The following ARHGEF10L variants were observed in gnomAD, a reference collection of about 807,000 sequenced individuals.
ARHGEF10L encodes the protein rho guanine nucleotide exchange factor 10-like protein.
Under a neutral mutation model 141.2 loss-of-function variants are expected in ARHGEF10L, and 69 were observed. That is an observed-to-expected ratio of 0.49 (90% CI 0.40 to 0.60). The LOEUF (loss-of-function observed/expected upper bound fraction) is 0.60. Among genes scored for constraint, ARHGEF10L ranks in the 20% least tolerant of loss-of-function variants. ARHGEF10L has a pLI of 0.00. For missense variants in ARHGEF10L, 1,482 were observed against 1,734.3 expected (o/e 0.85, Z 2.58); for synonymous variants, 711 against 718.5 (o/e 0.99, Z 0.17).
In ARHGEF10L at chr1:17,603,508, T is replaced by A. The variant is rs2080891196; in HGVS notation, c.350T>A (p.Ile117Asn). Reference protein sequence around the residue: ...SSWKRKSSRRIDRFTFPALEE... With the variant: ...SSWKRKSSRRNDRFTFPALEE... Reference sequence around the variant, plus strand: ...CTCTCTCTCCCCACTTCCCTCCCAGTTGACCGGTTCACTTTCCCCGCCCTG... The same window carrying A: ...CTCTCTCTCCCCACTTCCCTCCCAGATGACCGGTTCACTTTCCCCGCCCTG... Residue 117 changes from isoleucine to asparagine, a missense_variant and splice_region_variant, in exon 6 of 29, where the codon ATT (isoleucine) becomes AAT (asparagine). Ile to Asn is a moderately radical substitution (Grantham distance 149). Transcript: ENST00000361221. This position sits in a 1 kb window ranked among gnomAD's most constrained non-coding sequence, Gnocchi z 4.8. The A allele has an allele frequency of 6.2e-7, 1 of 1,613,244 alleles. No homozygotes were observed. Among genetic ancestry groups the A allele is most frequent in the Non-Finnish European group, 8.5e-7 (1 of 1,179,592 alleles).
chr1:17,567,487 C>T (rs2077807939), intron 1 of ARHGEF10L, among the ~76,000 whole-genome samples: 1 of 152,192 alleles, frequency 6.6e-6, no homozygotes, highest in African/African-American at 2.4e-5. Flanking sequence ...CTGCTTCAGC[C>T]TCTTGAGTAG....
chr1:17,557,342 CA>C (rs1003759039), intron 1 of ARHGEF10L, among the ~76,000 whole-genome samples: 52 of 90,978 alleles, frequency 5.7e-4, no homozygotes, highest in Non-Finnish European at 6.6e-4. Flanking sequence ...GACTCCATCT[CA>C]AAAAAAAAAA....
chr1:17,655,802 G>A lies in ARHGEF10L; in HGVS notation c.2482-77G>A. The stretch of plus-strand genomic sequence containing the variant: ...TTCTCTCAGGGGATGGGGTCCTTGG[G>A]AAAGCAGGGGCTGAGGTCCTCCTCT... On this transcript the variant is annotated intron_variant, in intron 23 of 28. Transcript: ENST00000361221. 2.9e-6 allele frequency: 4 copies of A among 1,357,822 alleles called. No homozygotes were observed. In the South Asian group the frequency reaches 4.1e-5, roughly 14 times the overall value. 84.1% of individuals were successfully genotyped at this position (1,357,822 alleles called of 1,614,324 possible). A position where few individuals can be genotyped will look rare whatever the true frequency, so the allele number is the denominator to read the frequency against.
intron 4 of ARHGEF10L, among the ~76,000 whole-genome samples, chr1:17,593,442 T>C (rs886078733): frequency 6.6e-6 from 1 of 152,104 alleles, no homozygotes. Context: ...GATGGGGAGA[T>C]GACCCTGGGT....
At chr1:17,553,405 CT>C (rs1476969842) in intron 1 of ARHGEF10L, among the ~76,000 whole-genome samples, 1 of 152,112 alleles carries the variant, frequency 6.6e-6, no homozygotes, top group African/African-American at 2.4e-5. Flanking sequence ...CATTTGCCAC[CT>C]TTTTCTACTT....
At chr1:17,599,661 A>C (rs968211379) in intron 4 of ARHGEF10L, among the ~76,000 whole-genome samples, 1 of 152,176 alleles carries the variant, frequency 6.6e-6, no homozygotes, top group Admixed American at 6.5e-5. Context: ...CCTGGTCCAG[A>C]GAAGCCCTGT....
intron 26 of ARHGEF10L, among the ~76,000 whole-genome samples, chr1:17,682,646 G>A (rs1267963322): frequency 1.3e-5 from 2 of 152,136 alleles, no homozygotes; most frequent in African/African-American, 4.8e-5. Context: ...CTAACAGCAC[G>A]GTTTCTGGTG....
Position 17,634,572 on chromosome 1 carries a change from T to C in ARHGEF10L, c.1745+10T>C. 3 of 1,613,824 alleles carry C rather than the reference T, an allele frequency of 1.9e-6. No individual in the cohort carries two copies. The highest frequency in any genetic ancestry group is 2.5e-6 in the Non-Finnish European group (3 of 1,179,858). On this transcript the variant is annotated intron_variant, in intron 17 of 28. Transcript: ENST00000361221. ...GGCCTGCCAACCACAGGTACGTGGTTCAGGGGGCTCCGGGGCTCTGGGGCT... is the reference window on the plus strand; with the variant it reads ...GGCCTGCCAACCACAGGTACGTGGTCCAGGGGGCTCCGGGGCTCTGGGGCT...
intron 16 of ARHGEF10L, among the ~76,000 whole-genome samples, 165 bp downstream of exon 16, chr1:17,632,631 C>T (rs1435064215): frequency 6.6e-6 from 1 of 152,180 alleles, no homozygotes; most frequent in African/African-American, 2.4e-5. Flanking sequence ...GCCACTGGTC[C>T]CCAACGCTGG....
intron 27 of ARHGEF10L, chr1:17,689,946 T>C (rs13376112): frequency 0.17 from 71,127 of 426,896 alleles, 6,421 homozygotes; most frequent in African/African-American, 0.23. Context: ...GTGTTTCACA[T>C]GCACCTTCAC....
chr1:17,538,172 G>A (rs1012627734), upstream of ARHGEF10L, among the ~76,000 whole-genome samples: 1 of 152,184 alleles, frequency 6.6e-6, no homozygotes, highest in African/African-American at 2.4e-5. Flanking sequence ...TGGCTATGAC[G>A]GCAGGACTCA....
chr1:17,553,541 G>T (rs1238705513), intron 1 of ARHGEF10L, among the ~76,000 whole-genome samples: 1 of 152,118 alleles, frequency 6.6e-6, no homozygotes, highest in African/African-American at 2.4e-5. Context: ...CAGCACTTTG[G>T]GAGGCTGAGG....
At chr1:17,665,810 G>T (rs2062943747) in intron 26 of ARHGEF10L, among the ~76,000 whole-genome samples, 1 of 152,158 alleles carries the variant, frequency 6.6e-6, no homozygotes, top group Admixed American at 6.5e-5. Flanking sequence ...TAAAGAGTCG[G>T]CTCATGGGGT....
At position 17,583,660 on chromosome 1, in the gene ARHGEF10L, C is replaced by G. The variant is rs1038178182; in HGVS notation, c.37+3028C>G. On this transcript the variant is annotated intron_variant, in intron 2 of 28. Transcript: ENST00000361221. Reference sequence around the variant, plus strand: ...GAACCCAGGTGGCCCGACTCTAGAACCTTAGTCACTGCAGTGACACCATCC... The same window carrying G: ...GAACCCAGGTGGCCCGACTCTAGAAGCTTAGTCACTGCAGTGACACCATCC... 2.6e-5 allele frequency among the ~76,000 whole-genome samples: 4 copies of G among 152,042 alleles called. No individual in the cohort carries two copies. The East Asian group carries it at 7.7e-4, about 29-fold the overall frequency.
In ARHGEF10L at chr1:17,624,513, C is replaced by T; in HGVS notation, c.1317+10C>T. 6.2e-7 allele frequency: 1 copy of T among 1,608,152 alleles called. No individual in the cohort carries two copies. The highest frequency in any genetic ancestry group is 8.5e-7 in the Non-Finnish European group (1 of 1,174,656). ...CCTCGAGTTCCTCAAGGTGGGCCTC[C>T]ATGGTGGTACCGTGCCTGGTCAGGG... On this transcript the variant is annotated intron_variant, in intron 13 of 28. Coordinates refer to ENST00000361221, the MANE Select transcript of ARHGEF10L (RefSeq NM_018125.4).
At chr1:17,518,861 G>C in the ARHGEF10L span, among the ~76,000 whole-genome samples, 81 of 149,696 alleles carry the variant, frequency 5.4e-4, no homozygotes, top group African/African-American at 1.9e-3. Context: ...TCAGTGTGCT[G>C]GTCCCTCTGC....
At chr1:17,561,514 G>T (rs536659190) in intron 1 of ARHGEF10L, among the ~76,000 whole-genome samples, 4 of 152,316 alleles carry the variant, frequency 2.6e-5, no homozygotes, top group Middle Eastern at 3.4e-3. Context: ...TCTCGCAGAG[G>T]GGGAGCCTCA....
chr1:17,640,498 C>T (rs1219719601), intron 21 of ARHGEF10L, among the ~76,000 whole-genome samples, 196 bp downstream of exon 21: 1 of 152,150 alleles, frequency 6.6e-6, no homozygotes, highest in Non-Finnish European at 1.5e-5. Context: ...GGACAAGTCA[C>T]TTCCCCTCTC....
At chr1:17,682,578 G>A (rs775375579) in intron 26 of ARHGEF10L, among the ~76,000 whole-genome samples, 1 of 152,232 alleles carries the variant, frequency 6.6e-6, no homozygotes, top group Non-Finnish European at 1.5e-5. Flanking sequence ...CAAAACTGGT[G>A]CAGGCTGGTT....
Sources: gnomAD v4.1 joint callset for allele counts (sites outside exome capture counted in the v4.1 genomes callset) on GRCh38, gnomAD v4.1.1 for gene constraint, Gnocchi (gnomAD v3.1) non-coding constraint, MANE v1.5 for transcripts, NCBI Gene and HGNC (gene_info 2026-07-23, HGNC 2026-07-21) for gene names.